ARID1B: variants seen among roughly 807,000 people sequenced by gnomAD.
The protein encoded by ARID1B is AT-rich interactive domain-containing protein 1B.
A neutral mutation model predicts 212.3 loss-of-function variants in ARID1B; 30 were observed. The ratio of observed to expected loss-of-function variants is 0.14; its 90% CI spans 0.11 to 0.19. The LOEUF is 0.19. Among genes scored for constraint, ARID1B ranks in the 10% least tolerant of loss-of-function variants. The probability of loss-of-function intolerance (pLI) is 1.00; values close to 1 mark genes in which losing one functional copy is unlikely to be tolerated. For missense variants in ARID1B, 2,891 were observed against 3,204.0 expected (o/e 0.90, Z 2.36); for synonymous variants, 1,402 against 1,301.7 (o/e 1.08, Z -1.66).
intron 3 of ARID1B, among the ~76,000 whole-genome samples, chr6:156,902,762 A>G (rs866796474): frequency 2.7e-4 from 40 of 145,686 alleles, no homozygotes; most frequent in African/African-American, 9.5e-4. Flanking sequence ...AAAAAAAAAA[A>G]GTAACATCTG....
intron 4 of ARID1B, among the ~76,000 whole-genome samples, chr6:156,987,966 T>C (rs545238539): frequency 6.6e-6 from 1 of 152,318 alleles, no homozygotes; most frequent in South Asian, 2.1e-4. Flanking sequence ...AATAAGTGTG[T>C]GCATGATGGT....
intron 4 of ARID1B, chr6:157,036,536 T>C: frequency 3.5e-6 from 1 of 289,282 alleles, no homozygotes; most frequent in South Asian, 3.5e-5. Flanking sequence ...GAAGGATGAT[T>C]CTACTCACTC....
rs12332891 is a variant in ARID1B, at chr6:157,084,379, A to T, written c.2248-283A>T. ...TTGTGTGGCATTTTGAACAGGTCTAATGGACTCGGTGCTGACAGCTGAAGG... is the reference window on the plus strand; with the variant it reads ...TTGTGTGGCATTTTGAACAGGTCTATTGGACTCGGTGCTGACAGCTGAAGG... On this transcript the variant is annotated intron_variant, in intron 4 of 19. Coordinates refer to ENST00000636930, the MANE Select transcript of ARID1B (RefSeq NM_001374828.1). Among the ~76,000 whole-genome samples, 14,951 of 152,124 alleles carry T rather than the reference A, an allele frequency of 0.098. 942 individuals carry two copies. The highest frequency in any genetic ancestry group is 0.14 in the Middle Eastern group (40 of 294).
intron 2 of ARID1B, among the ~76,000 whole-genome samples, chr6:156,874,635 C>T (rs1786402998): frequency 6.6e-6 from 1 of 152,194 alleles, no homozygotes; most frequent in African/African-American, 2.4e-5. Flanking sequence ...CAGGCCCGTC[C>T]CTTTCTGACT....
At chr6:157,185,415 A>C (rs2128328564) in intron 13 of ARID1B, 1 of 152,348 alleles carries the variant, frequency 6.6e-6, no homozygotes, top group South Asian at 2.1e-4. Flanking sequence ...GCTTGTTCTG[A>C]GCGTGGCTGG....
intron 3 of ARID1B, among the ~76,000 whole-genome samples, chr6:156,924,548 C>G (rs889304546): frequency 6.6e-6 from 1 of 152,190 alleles, no homozygotes; most frequent in African/African-American, 2.4e-5. Context: ...CGTGGATTGC[C>G]TCACAAAGGG....
chr6:156,846,048 G>A (rs9384505), intron 2 of ARID1B, among the ~76,000 whole-genome samples: 1 of 151,996 alleles, frequency 6.6e-6, no homozygotes, highest in Non-Finnish European at 1.5e-5. Context: ...TCTTGCCGAC[G>A]ACAATGTTGG....
intron 2 of ARID1B, among the ~76,000 whole-genome samples, chr6:156,900,530 A>G (rs894786041): frequency 3.9e-5 from 6 of 152,174 alleles, no homozygotes; most frequent in Non-Finnish European, 7.3e-5. Context: ...TGACTTTGCC[A>G]TTCTTGTCTC....
intron 4 of ARID1B, among the ~76,000 whole-genome samples, chr6:156,954,783 G>A (rs1039234030): frequency 9.2e-5 from 14 of 152,078 alleles, no homozygotes; most frequent in Non-Finnish European, 1.3e-4. Flanking sequence ...CATTTACTAG[G>A]ATTTCTTCTG....
intron 2 of ARID1B, among the ~76,000 whole-genome samples, chr6:156,879,677 G>C (rs1433651361): frequency 1.3e-5 from 2 of 152,192 alleles, no homozygotes; most frequent in Non-Finnish European, 2.9e-5. Context: ...TATTTTAGAA[G>C]TATCGGGTAG....
chr6:157,154,447 C>T (rs1255806799), intron 8 of ARID1B, among the ~76,000 whole-genome samples: 1 of 152,098 alleles, frequency 6.6e-6, no homozygotes. Flanking sequence ...TAGACGTTAC[C>T]CAGCCTCTAT....
At chr6:156,879,165 C>T (rs542880152) in intron 2 of ARID1B, among the ~76,000 whole-genome samples, 29 of 152,346 alleles carry the variant, frequency 1.9e-4, no homozygotes, top group African/African-American at 7.0e-4. Context: ...CTCGGAGCCT[C>T]TTCCAAAGGA....
intron 6 of ARID1B, among the ~76,000 whole-genome samples, chr6:157,113,082 C>T (rs922194885): frequency 2.6e-5 from 4 of 151,980 alleles, no homozygotes; most frequent in Admixed American, 6.5e-5. Context: ...CCACCATGCC[C>T]GGCTAATTTT....
intron 1 of ARID1B, among the ~76,000 whole-genome samples, chr6:156,801,595 C>G (rs918392102): frequency 6.6e-6 from 1 of 152,110 alleles, no homozygotes; most frequent in Non-Finnish European, 1.5e-5. Flanking sequence ...ACATTATAAA[C>G]AAGGAAAGAT....
chr6:157,089,303 T>C (rs970490726), intron 5 of ARID1B, among the ~76,000 whole-genome samples: 3 of 151,158 alleles, frequency 2.0e-5, no homozygotes, highest in Non-Finnish European at 4.4e-5. Flanking sequence ...GCATCCCAAA[T>C]GGCTGATTCT....
chr6:156,941,987 A>G (rs185364965), intron 4 of ARID1B: 7 of 152,354 alleles, frequency 4.6e-5, no homozygotes, highest in Admixed American at 4.6e-4. Flanking sequence ...TTTAATTTTA[A>G]GAATTTGTTT....
chr6:156,845,404 C>T (rs543223469), intron 2 of ARID1B, among the ~76,000 whole-genome samples: 9 of 152,216 alleles, frequency 5.9e-5, no homozygotes, highest in African/African-American at 2.2e-4. Context: ...ATGTAATCCT[C>T]GTTTTAGTAG....
rs553581604 is a variant in ARID1B, at chr6:157,051,583, A to G, written c.2248-33079A>G. ...TTATACTGAAATGTAATATGCAACA[A>G]TTCTGAATTTTATAGTTTGTATCTT... On this transcript the variant is annotated intron_variant, in intron 4 of 19. Transcript: ENST00000636930. Among the ~76,000 whole-genome samples the G allele has an allele frequency of 1.0e-3, 157 of 152,332 alleles. 1 individual carries two copies. The highest frequency in any genetic ancestry group is 1.3e-3 in the Non-Finnish European group (86 of 68,036).
intron 16 of ARID1B, 143 bp from the exon 17 acceptor site, chr6:157,198,668 C>T (rs1583496000): frequency 3.2e-6 from 2 of 626,186 alleles, no homozygotes; most frequent in Non-Finnish European, 5.5e-6. Context: ...AGCTGCCTCT[C>T]AGAGGGCCTT....
Sources: allele counts gnomAD v4.1 joint callset (sites outside exome capture counted in the v4.1 genomes callset), GRCh38; gene constraint gnomAD v4.1.1; transcripts MANE v1.5; gene names NCBI Gene and HGNC (gene_info 2026-07-23, HGNC 2026-07-21).